The following LINC00632 variants were observed in gnomAD, a reference collection of about 807,000 sequenced individuals.
The protein encoded by LINC00632 is long independently transcribed non-coding RNA 632, also known as ALDOA related specific transcript.
chrX:140,786,895 A>G (rs1241688105), exon 5 of LINC00632, among the ~76,000 whole-genome samples: 1 of 111,941 alleles, frequency 8.9e-6, no homozygotes, highest in Non-Finnish European at 1.9e-5. Flanking sequence ...ATCAGCATAC[A>G]AGGTTACATA....
intron 3 of LINC00632, among the ~76,000 whole-genome samples, chrX:140,767,393 T>C (rs1931709460): frequency 8.9e-6 from 1 of 112,209 alleles, no homozygotes; most frequent in African/African-American, 3.2e-5. Flanking sequence ...TTTTTTCCAT[T>C]TTTGTTAATA....
chrX:140,726,690 CAG>C (rs1192986083), intron 2 of LINC00632, among the ~76,000 whole-genome samples: 3 of 111,858 alleles, frequency 2.7e-5, no homozygotes, highest in Non-Finnish European at 5.6e-5. Context: ...CAGATTGCAT[CAG>C]AGCAGACACT....
chrX:140,711,699 CTAAT>C (rs1174301931), intron 2 of LINC00632: 4 of 244,152 alleles, frequency 1.6e-5, no homozygotes, highest in African/African-American at 1.2e-4. Flanking sequence ...CACCTATCAC[CTAAT>C]TTATTTATTA....
At chrX:140,767,533 G>A (rs192431627) in intron 3 of LINC00632, among the ~76,000 whole-genome samples, 82 of 111,741 alleles carry the variant, frequency 7.3e-4, no homozygotes, top group African/African-American at 2.4e-3. Context: ...AGTAACTTAC[G>A]CCTCTTAAAC....
chrX:140,759,407 T>C (rs1432089789), intron 3 of LINC00632, among the ~76,000 whole-genome samples: 1 of 107,364 alleles, frequency 9.3e-6, no homozygotes, highest in Non-Finnish European at 1.9e-5. Context: ...CCCAGGCTGG[T>C]GTGCAGTGGC....
chrX:140,748,413 A>G (rs1043638706), intron 3 of LINC00632, among the ~76,000 whole-genome samples: 1 of 111,928 alleles, frequency 8.9e-6, no homozygotes, highest in African/African-American at 3.2e-5. Context: ...TAATGGCTGC[A>G]GGTGAACACT....
At chrX:140,743,399 A>G (rs192450642) in intron 3 of LINC00632, among the ~76,000 whole-genome samples, 58 of 110,176 alleles carry the variant, frequency 5.3e-4, no homozygotes, top group African/African-American at 1.9e-3. Context: ...GGGCTTAAGG[A>G]TGATAGCCGC....
exon 5 of LINC00632, among the ~76,000 whole-genome samples, chrX:140,785,714 T>G (rs777322720): frequency 8.9e-6 from 1 of 112,042 alleles, no homozygotes; most frequent in East Asian, 2.8e-4. Flanking sequence ...AGGAAGAATA[T>G]AAGGAAGCAC....
chrX:140,726,509 G>T (rs1930965067), intron 2 of LINC00632, among the ~76,000 whole-genome samples: 1 of 111,758 alleles, frequency 8.9e-6, no homozygotes, highest in Non-Finnish European at 1.9e-5. Flanking sequence ...ACAACACGTA[G>T]ATTTGCCCTC....
chrX:140,779,437 T>C (rs756366676), exon 5 of LINC00632, among the ~76,000 whole-genome samples: 2 of 112,117 alleles, frequency 1.8e-5, no homozygotes, highest in Non-Finnish European at 3.8e-5. Flanking sequence ...CGAATGCTAA[T>C]AAAGGGTTTT....
intron 3 of LINC00632, among the ~76,000 whole-genome samples, chrX:140,763,386 G>A (rs1287707978): frequency 1.3e-5 from 1 of 77,688 alleles, no homozygotes; most frequent in African/African-American, 4.9e-5. Flanking sequence ...CTGGGTGACA[G>A]AGGGAGACTC....
rs1556023996 is a variant in LINC00632 at position 140,742,877 on chromosome X, G to GGAAGGAAGGA, written n.191+8913_191+8914insGAAGGAAGGA. ...AGAGAGAGAGAGAGAGAGAGAGAGA[G>GGAAGGAAGGA]AGGAAGGAAGGAAGGAAGGAAAGGA... On this transcript the variant is annotated intron_variant and non_coding_transcript_variant, in intron 3 of 4. Transcript: ENST00000648200. Among the ~76,000 whole-genome samples, 559 of 94,421 alleles carry GGAAGGAAGGA rather than the reference G, an allele frequency of 5.9e-3. 9 individuals carry two copies. The highest frequency in any genetic ancestry group is 0.022 in the African/African-American group (534 of 24,377). 82.0% of individuals were successfully genotyped at this position (94,421 alleles called of 115,157 possible). A position where few individuals can be genotyped will look rare whatever the true frequency, so the allele number is the denominator to read the frequency against.
exon 5 of LINC00632, among the ~76,000 whole-genome samples, chrX:140,789,149 C>T (rs931420322): frequency 6.5e-5 from 7 of 108,241 alleles, no homozygotes; most frequent in East Asian, 5.8e-4. Flanking sequence ...AATGAAAATA[C>T]GTAACGGAGT....
exon 5 of LINC00632, among the ~76,000 whole-genome samples, chrX:140,775,550 G>A (rs959159996): frequency 8.9e-6 from 1 of 111,899 alleles, no homozygotes; most frequent in Non-Finnish European, 1.9e-5. Flanking sequence ...AAATAACATC[G>A]CTGTTGTTTC....
At chrX:140,716,590 C>G (rs941291925) in intron 2 of LINC00632, among the ~76,000 whole-genome samples, 2 of 110,363 alleles carry the variant, frequency 1.8e-5, no homozygotes, top group African/African-American at 6.6e-5. Flanking sequence ...CACACAGACA[C>G]CCCGCCATAG....
chrX:140,777,646 G>A (rs1423029564), exon 5 of LINC00632, among the ~76,000 whole-genome samples: 1 of 112,326 alleles, frequency 8.9e-6, no homozygotes, highest in Non-Finnish European at 1.9e-5. Context: ...TAAAGCTAGG[G>A]AAAATTATGA....
intron 2 of LINC00632, among the ~76,000 whole-genome samples, chrX:140,733,066 G>A (rs1199928457): frequency 8.9e-6 from 1 of 112,259 alleles, no homozygotes; most frequent in Non-Finnish European, 1.9e-5. Context: ...CCCAGCCGAG[G>A]CTGTGACTTT....
At chrX:140,737,543 T>G (rs1029993386) in intron 3 of LINC00632, among the ~76,000 whole-genome samples, 2 of 111,517 alleles carry the variant, frequency 1.8e-5, no homozygotes, top group African/African-American at 6.5e-5. Flanking sequence ...TACTATGCTA[T>G]CCAACACTAG....
chrX:140,748,824 AT>A (rs1305664513), intron 3 of LINC00632, among the ~76,000 whole-genome samples: 4 of 105,879 alleles, frequency 3.8e-5, no homozygotes, highest in Admixed American at 1.1e-4. Flanking sequence ...TCTATGATAT[AT>A]TTTATCTATG....
Sources: allele counts gnomAD v4.1 joint callset (sites outside exome capture counted in the v4.1 genomes callset), GRCh38; gene constraint gnomAD v4.1.1; transcripts MANE v1.5; gene names NCBI Gene and HGNC (gene_info 2026-07-23, HGNC 2026-07-21).